Variants in TLK1 observed in about 807,000 individuals in gnomAD.
The protein encoded by TLK1 is tousled like kinase 1, also known as serine/threonine-protein kinase tousled-like 1.
Under a neutral mutation model 105.3 loss-of-function variants are expected in TLK1, and 24 were observed. The ratio of observed to expected loss-of-function variants is 0.23; its 90% CI spans 0.17 to 0.32. The LOEUF (loss-of-function observed/expected upper bound fraction) is 0.32. Among genes scored for constraint, TLK1 ranks in the 10% least tolerant of loss-of-function variants. TLK1 has a pLI of 1.00. For synonymous variants in TLK1, 321 were observed against 310.4 expected (o/e 1.03, Z -0.36); for missense variants, 558 against 910.5 (o/e 0.61, Z 4.98).
intron 3 of TLK1, among the ~76,000 whole-genome samples, chr2:171,076,188 A>T (rs1398256431): frequency 6.6e-6 from 1 of 151,140 alleles, no homozygotes; most frequent in East Asian, 2.0e-4. Flanking sequence ...ACTGCACTCC[A>T]GCCTGAGCAA....
intron 1 of TLK1, among the ~76,000 whole-genome samples, chr2:171,136,296 G>C (rs1311263579): frequency 6.6e-6 from 1 of 152,230 alleles, no homozygotes; most frequent in East Asian, 1.9e-4. Context: ...AAGTAGAATA[G>C]TGGTTGCTGG....
At chr2:170,998,953 T>A (rs925274190) in intron 18 of TLK1, among the ~76,000 whole-genome samples, 9 of 152,162 alleles carry the variant, frequency 5.9e-5, no homozygotes, top group African/African-American at 1.9e-4. Flanking sequence ...TTCTTTGTAG[T>A]GATAGTCTTG....
chr2:171,097,973 GGAGA>G (rs1558940387), intron 2 of TLK1, among the ~76,000 whole-genome samples: 1 of 151,380 alleles, frequency 6.6e-6, no homozygotes, highest in African/African-American at 2.4e-5. Context: ...GGAGAGAGAG[GGAGA>G]GAGAAAGAGA....
intron 12 of TLK1, among the ~76,000 whole-genome samples, chr2:171,027,831 C>G (rs1319113742): frequency 6.6e-6 from 1 of 152,094 alleles, no homozygotes; most frequent in Non-Finnish European, 1.5e-5. Context: ...TAAGTTGACA[C>G]AAGATAAAGG....
intron 2 of TLK1, among the ~76,000 whole-genome samples, chr2:171,094,310 T>A (rs971398093): frequency 7.2e-5 from 11 of 151,824 alleles, no homozygotes; most frequent in African/African-American, 2.7e-4. Context: ...GAAATTAAAA[T>A]CATGAGTTAA....
At chr2:171,010,121 G>A (rs181928752) in intron 14 of TLK1, among the ~76,000 whole-genome samples, 38 of 152,250 alleles carry the variant, frequency 2.5e-4, no homozygotes, top group Middle Eastern at 3.4e-3. Flanking sequence ...ATGAGGTTCC[G>A]GAAGAAGCCT....
At chr2:171,147,667 C>T (rs960286644) in intron 1 of TLK1, among the ~76,000 whole-genome samples, 1 of 152,230 alleles carries the variant, frequency 6.6e-6, no homozygotes, top group African/African-American at 2.4e-5. Context: ...CTTATAGCCA[C>T]AGCATGCTTG....
Position 171,134,682 on chromosome 2 carries a change from A to G in TLK1, c.140-16825T>C, listed in dbSNP as rs867371662. Among the ~76,000 whole-genome samples the G allele has an allele frequency of 1.9e-3, 294 of 151,476 alleles. 3 individuals carry two copies. The highest frequency in any genetic ancestry group is 6.9e-3 in the African/African-American group (284 of 41,302). ...ATGTCCATCAACAGATGAATAGGAA[A>G]AAAAAAAAAATGTGGTATATATACA... On this transcript the variant is annotated intron_variant, in intron 1 of 20. Coordinates refer to ENST00000431350, the MANE Select transcript of TLK1 (RefSeq NM_012290.5).
intron 2 of TLK1, among the ~76,000 whole-genome samples, chr2:171,087,350 A>ACT (rs1015515928): frequency 6.6e-6 from 1 of 152,204 alleles, no homozygotes; most frequent in Admixed American, 6.5e-5. Context: ...TGAAAATTTC[A>ACT]CTCTCTAAAA....
chr2:171,058,577 T>C (rs1198816149), intron 4 of TLK1, among the ~76,000 whole-genome samples: 1 of 152,170 alleles, frequency 6.6e-6, no homozygotes, highest in African/African-American at 2.4e-5. Flanking sequence ...TCAATAGGAA[T>C]GTTATTTTGT....
At chr2:171,020,376 C>A (rs1352364211) in intron 12 of TLK1, among the ~76,000 whole-genome samples, 1 of 151,792 alleles carries the variant, frequency 6.6e-6, no homozygotes, top group South Asian at 2.1e-4. Context: ...CCCGTCTCTA[C>A]TAAAAATATA....
At chr2:171,082,901 G>A in intron 2 of TLK1, 49 bp from the exon 3 acceptor site, 2 of 1,284,668 alleles carry the variant, frequency 1.6e-6, no homozygotes, top group South Asian at 2.6e-5. Context: ...TTTTTTTAAA[G>A]CAGCGGGAAT....
intron 3 of TLK1, among the ~76,000 whole-genome samples, chr2:171,081,326 T>G (rs1405443174): frequency 1.3e-5 from 2 of 152,194 alleles, no homozygotes; most frequent in South Asian, 4.1e-4. Context: ...TGTTTTGCTT[T>G]TTTAAAAAAT....
At position 171,099,719 on chromosome 2, in the gene TLK1, C is replaced by T. The variant is rs548589610; in HGVS notation, c.259-16867G>A. On this transcript the variant is annotated intron_variant, in intron 2 of 20. Coordinates refer to ENST00000431350, the MANE Select transcript of TLK1 (RefSeq NM_012290.5). ...AACCCATATATTTACAATCAATTAA[C>T]TTTTGACAAAGGTTCCAGGACAATT... Among the ~76,000 whole-genome samples, 3 of 152,260 alleles carry T rather than the reference C, an allele frequency of 2.0e-5. No individual in the cohort carries two copies. In the Middle Eastern group the frequency reaches 0.01, roughly 518 times the overall value.
chr2:171,054,086 T>C, intron 7 of TLK1: 1 of 342,442 alleles, frequency 2.9e-6, no homozygotes, highest in South Asian at 4.9e-5. Context: ...ATGTTCCTCA[T>C]TATAATTCAA....
chr2:171,152,840 A>G (rs1692096320), intron 1 of TLK1, among the ~76,000 whole-genome samples: 1 of 152,180 alleles, frequency 6.6e-6, no homozygotes, highest in Non-Finnish European at 1.5e-5. Context: ...TACAAATTAG[A>G]TTATCTAACA....
intron 1 of TLK1, among the ~76,000 whole-genome samples, chr2:171,184,865 G>A (rs578245467): frequency 4.0e-5 from 6 of 151,454 alleles, no homozygotes; most frequent in African/African-American, 1.5e-4. Flanking sequence ...TTGAGATGGA[G>A]TCTTGCTCTG....
chr2:171,058,163 G>A lies in TLK1; in HGVS notation c.441C>T (p.Ser147=), dbSNP rs1575560766. The change falls in exon 5 of 21, where the codon AGC becomes AGT. Residue 147 remains serine, a synonymous_variant. Transcript: ENST00000431350. The stretch of plus-strand genomic sequence containing the variant: ...TCAATGAACTTACTTCAAAATAGTC[G>A]CTAATTTTGTGGCCACGTCCCCCAA... ...KSIGGRGHKI[S]DYFEYQGGNG... The A allele has an allele frequency of 3.1e-6, 5 of 1,613,362 alleles. No homozygotes were observed. The highest frequency in any genetic ancestry group is 1.6e-4 in the Middle Eastern group (1 of 6,078).
chr2:171,134,725 CT>C (rs572825171), intron 1 of TLK1, among the ~76,000 whole-genome samples: 134 of 103,798 alleles, frequency 1.3e-3, no homozygotes, highest in East Asian at 9.6e-3. Flanking sequence ...ACTATTTGGC[CT>C]TTTTTTTTTT....
Sources: allele counts gnomAD v4.1 joint callset (sites outside exome capture counted in the v4.1 genomes callset), GRCh38; gene constraint gnomAD v4.1.1; transcripts MANE v1.5; gene names NCBI Gene and HGNC (gene_info 2026-07-23, HGNC 2026-07-21).